WNT5A: variants seen among roughly 807,000 people sequenced by gnomAD.
The protein encoded by WNT5A is Wnt family member 5A.
A neutral mutation model predicts 42.1 loss-of-function variants in WNT5A; 9 were observed. That is an observed-to-expected ratio of 0.21 (90% confidence interval 0.13 to 0.37). WNT5A has a LOEUF of 0.37. WNT5A is among the 10% of genes least tolerant of loss of function. WNT5A has a pLI of 1.00. For synonymous variants in WNT5A, 210 were observed against 210.0 expected, an observed-to-expected ratio of 1.00 and a Z score of 0.00; for missense variants, 426 against 534.0, an observed-to-expected ratio of 0.80 and a Z score of 1.99.
intron 1 of WNT5A, among the ~76,000 whole-genome samples, chr3:55,482,994 C>T (rs1487666084): frequency 1.3e-5 from 2 of 152,232 alleles, no homozygotes; most frequent in African/African-American, 2.4e-5. Flanking sequence ...GTGCTGGCCG[C>T]GTGCACTTTC....
intron 1 of WNT5A, among the ~76,000 whole-genome samples, chr3:55,485,972 A>G (rs1159941084): frequency 6.6e-6 from 1 of 152,200 alleles, no homozygotes; most frequent in African/African-American, 2.4e-5. Flanking sequence ...GAAAAATGGA[A>G]ATAGGAATCG....
the WNT5A span, among the ~76,000 whole-genome samples, chr3:55,497,028 C>T: frequency 2.6e-4 from 39 of 152,230 alleles, no homozygotes; most frequent in African/African-American, 8.7e-4. Context: ...CAAGCATTTA[C>T]GGCCCACCCA....
At chr3:55,496,572 G>A in the WNT5A span, among the ~76,000 whole-genome samples, 1 of 152,304 alleles carries the variant, frequency 6.6e-6, no homozygotes, top group East Asian at 1.9e-4. Context: ...CCACTCACGT[G>A]TCATTTGTGG....
chr3:55,476,600 AAC>A, intron 3 of WNT5A, among the ~76,000 whole-genome samples: 1 of 152,252 alleles, frequency 6.6e-6, no homozygotes, highest in Middle Eastern at 3.2e-3. Context: ...CTTTATACAA[AAC>A]ACAAACAATG....
At chr3:55,470,956 A>T (rs371839237) in intron 4 of WNT5A, among the ~76,000 whole-genome samples, 1 of 152,278 alleles carries the variant, frequency 6.6e-6, no homozygotes, top group African/African-American at 2.4e-5. Context: ...ACAGAGAAGG[A>T]AAGTGAGACC....
At chr3:55,482,415 G>GGGCCGAGC (rs2051486032) in intron 1 of WNT5A, among the ~76,000 whole-genome samples, 1 of 152,184 alleles carries the variant, frequency 6.6e-6, no homozygotes, top group Non-Finnish European at 1.5e-5. Context: ...CATAGCCCCT[G>GGGCCGAGC]AAGGAGCCCC....
intron 3 of WNT5A, among the ~76,000 whole-genome samples, chr3:55,478,336 A>C (rs1049770862): frequency 3.3e-5 from 5 of 152,080 alleles, no homozygotes; most frequent in African/African-American, 1.2e-4. Context: ...CATTTTATCC[A>C]TCTGTGATGG....
chr3:55,488,398 T>TTC (rs1559560849), upstream of WNT5A: 6 of 131,780 alleles, frequency 4.6e-5, no homozygotes, highest in Non-Finnish European at 9.5e-5. Context: ...TTTCCCCTGG[T>TTC]GTTCTCAGAA....
At chr3:55,472,054 T>C (rs943973300) in intron 4 of WNT5A, among the ~76,000 whole-genome samples, 2 of 152,156 alleles carry the variant, frequency 1.3e-5, no homozygotes, top group Non-Finnish European at 2.9e-5. Flanking sequence ...GAAATTCTAA[T>C]ATGATTTTCT....
Position 55,487,222 on chromosome 3 carries a change from G to A in WNT5A, c.-237C>T. 2.0e-6 allele frequency: 1 copy of A among 496,668 alleles called. No homozygotes were observed. Among genetic ancestry groups the A allele is most frequent in the Non-Finnish European group, 3.5e-6 (1 of 285,712 alleles). 30.8% of individuals were successfully genotyped at this position (496,668 alleles called of 1,614,324 possible). A position where few individuals can be genotyped will look rare whatever the true frequency, so the allele number is the denominator to read the frequency against. On this transcript the variant is annotated 5_prime_UTR_variant, in exon 1 of 5. Transcript: ENST00000264634. ...GCCCAGGAATGGAGGGGGCGCGGACGCGCGCGAGCCGGCAGCAAGGGCAGG... is the reference window on the plus strand; with the variant it reads ...GCCCAGGAATGGAGGGGGCGCGGACACGCGCGAGCCGGCAGCAAGGGCAGG...
At position 55,487,166 on chromosome 3, in the gene WNT5A, G is replaced by A; in HGVS notation, c.-181C>T. The stretch of plus-strand genomic sequence containing the variant: ...GAAGCGGGCACTGGCGCCCGGGCCT[G>A]GACTCCCGAGTTGGGGCAGAGCTGG... On this transcript the variant is annotated 5_prime_UTR_variant, in exon 1 of 5. Transcript: ENST00000264634. The A allele has an allele frequency of 1.7e-6, 1 of 593,254 alleles. No homozygotes were observed. The highest frequency in any genetic ancestry group is 3.0e-6 in the Non-Finnish European group (1 of 335,632). The allele number at this position is 593,254 out of a possible 1,614,324, so 36.7% of individuals were successfully genotyped here. A position where few individuals can be genotyped will look rare whatever the true frequency, so the allele number is the denominator to read the frequency against.
At chr3:55,472,742 AG>A (rs2051276889) in intron 4 of WNT5A, among the ~76,000 whole-genome samples, 1 of 152,146 alleles carries the variant, frequency 6.6e-6, no homozygotes, top group South Asian at 2.1e-4. Context: ...AACAAATTTG[AG>A]AAGATAAGCT....
chr3:55,491,145 G>A (rs664887), upstream of WNT5A, among the ~76,000 whole-genome samples: 29,559 of 152,060 alleles, frequency 0.19, 3,212 homozygotes, highest in African/African-American at 0.28. Flanking sequence ...GTGTTAAGGA[G>A]AACCAACTTG....
chr3:55,479,599 G>A (rs774958933), intron 2 of WNT5A, 35 bp from the exon 3 acceptor site: 20 of 1,535,268 alleles, frequency 1.3e-5, no homozygotes, highest in Admixed American at 5.7e-5. Context: ...CAAGATTTAC[G>A]TGAAATCTCG....
chr3:55,481,579 C>T (rs1436148818), intron 1 of WNT5A, among the ~76,000 whole-genome samples: 2 of 152,094 alleles, frequency 1.3e-5, no homozygotes, highest in African/African-American at 2.4e-5. Flanking sequence ...AATCAGTTTA[C>T]GAGCCGATGT....
intron 1 of WNT5A, 140 bp downstream of exon 1, chr3:55,486,840 T>C: frequency 1.4e-6 from 1 of 737,506 alleles, no homozygotes; most frequent in Middle Eastern, 2.5e-4. Flanking sequence ...TAGGGGTTCC[T>C]GCCAGCGACG....
chr3:55,481,016 A>T, intron 1 of WNT5A, 98 bp from the exon 2 acceptor site: 2 of 1,232,380 alleles, frequency 1.6e-6, no homozygotes, highest in Non-Finnish European at 2.1e-6. Context: ...TCTTAAGTTT[A>T]CTGTTGATTG....
chr3:55,474,239 G>T, intron 4 of WNT5A, 98 bp downstream of exon 4: 1 of 1,469,494 alleles, frequency 6.8e-7, no homozygotes, highest in Admixed American at 1.9e-5. Flanking sequence ...CAAAGGAGTG[G>T]CAGAGGAGAG....
the WNT5A span, among the ~76,000 whole-genome samples, chr3:55,496,552 C>T: frequency 2.0e-5 from 3 of 152,162 alleles, no homozygotes; most frequent in East Asian, 1.9e-4. Flanking sequence ...TATACAGGAA[C>T]GCGATGGCTC....
Sources: allele counts gnomAD v4.1 joint callset (sites outside exome capture counted in the v4.1 genomes callset), GRCh38; gene constraint gnomAD v4.1.1; transcripts MANE v1.5; gene names NCBI Gene and HGNC (gene_info 2026-07-23, HGNC 2026-07-21).